Variants in CACNA2D3 observed in about 807,000 individuals in gnomAD.
CACNA2D3 encodes the protein calcium voltage-gated channel auxiliary subunit alpha2delta 3.
A neutral mutation model predicts 160.6 loss-of-function variants in CACNA2D3; 60 were observed. The ratio of observed to expected loss-of-function variants is 0.37; its 90% CI spans 0.30 to 0.46. CACNA2D3 has a LOEUF of 0.46. Ranked by LOEUF, CACNA2D3 falls within the 20% of genes least tolerant of loss-of-function variation. The probability of loss-of-function intolerance (pLI) is 1.00; values close to 1 mark genes in which losing one functional copy is unlikely to be tolerated. For missense variants in CACNA2D3, 1,205 were observed against 1,365.0 expected, an observed-to-expected ratio of 0.88 and a Z score of 1.85; for synonymous variants, 558 against 492.9, an observed-to-expected ratio of 1.13 and a Z score of -1.75.
At chr3:54,939,780 G>A (rs1178084642) in intron 27 of CACNA2D3, among the ~76,000 whole-genome samples, 1 of 152,224 alleles carries the variant, frequency 6.6e-6, no homozygotes, top group Non-Finnish European at 1.5e-5. Context: ...GACCAGTAGC[G>A]GGAGAAGCAT....
At chr3:54,399,995 T>C (rs1699419721) in intron 4 of CACNA2D3, among the ~76,000 whole-genome samples, 1 of 119,358 alleles carries the variant, frequency 8.4e-6, no homozygotes, top group African/African-American at 3.3e-5. Context: ...TGGGATATAG[T>C]CTCGTGGTGC....
intron 4 of CACNA2D3, among the ~76,000 whole-genome samples, chr3:54,402,189 A>G (rs1699480476): frequency 6.6e-6 from 1 of 152,198 alleles, no homozygotes; most frequent in Admixed American, 6.5e-5. Context: ...ACTAGATTAC[A>G]AAGATAAAAA....
At chr3:54,264,116 T>C (rs188926128) in intron 2 of CACNA2D3, among the ~76,000 whole-genome samples, 170 of 152,322 alleles carry the variant, frequency 1.1e-3, no homozygotes, top group Non-Finnish European at 2.0e-3. Flanking sequence ...AAATTTGCTA[T>C]TCATCCAGCC....
intron 4 of CACNA2D3, among the ~76,000 whole-genome samples, chr3:54,491,113 C>T (rs550116766): frequency 6.6e-6 from 1 of 152,190 alleles, no homozygotes; most frequent in Non-Finnish European, 1.5e-5. Context: ...TAGTCACTTA[C>T]TGAGTGGGCA....
intron 35 of CACNA2D3, among the ~76,000 whole-genome samples, chr3:55,027,982 C>G (rs898971314): frequency 2.0e-5 from 3 of 152,116 alleles, no homozygotes; most frequent in East Asian, 1.9e-4. Flanking sequence ...ATCCGCTGAC[C>G]CTGGTGTCTA....
rs552524206 is a variant in CACNA2D3, at chr3:54,267,533, A to G, written c.205-52909A>G. 4.3e-4 allele frequency among the ~76,000 whole-genome samples: 66 copies of G among 152,328 alleles called. 1 individual carries two copies. The highest frequency in any genetic ancestry group is 1.5e-3 in the African/African-American group (64 of 41,570). Reference sequence around the variant, plus strand: ...TAGATACCCAGTACTTCATCTTTTTAAGAGTGAAAAGTATCCTTTCTGAAC... The same window carrying G: ...TAGATACCCAGTACTTCATCTTTTTGAGAGTGAAAAGTATCCTTTCTGAAC... On this transcript the variant is annotated intron_variant, in intron 2 of 37. Transcript: ENST00000474759.
intron 4 of CACNA2D3, among the ~76,000 whole-genome samples, chr3:54,403,886 C>G (rs544218745): frequency 6.6e-6 from 1 of 152,072 alleles, no homozygotes; most frequent in South Asian, 2.1e-4. Flanking sequence ...TTTTGATAAC[C>G]TAGAGGAAAT....
At chr3:54,822,730 T>TTTTCTTTCTTTCTTTCTTTC (rs61652736) in intron 14 of CACNA2D3, among the ~76,000 whole-genome samples, 4 of 104,704 alleles carry the variant, frequency 3.8e-5, no homozygotes, top group Admixed American at 9.7e-5. Flanking sequence ...TTCTTTTTTA[T>TTTTCTTTCTTTCTTTCTTTC]TTTCTTTCTT....
In CACNA2D3 at chr3:54,544,169, A is replaced by G. The variant is rs114913235; in HGVS notation, c.545-18631A>G. Among the ~76,000 whole-genome samples the G allele has an allele frequency of 7.6e-3, 1,160 of 152,308 alleles. 7 individuals are homozygous for G. The highest frequency in any genetic ancestry group is 0.014 in the Non-Finnish European group (925 of 68,032). On this transcript the variant is annotated intron_variant, in intron 5 of 37. Transcript: ENST00000474759. ...ATCTATAATTCAATTGTAAGAGATA[A>G]TATCTCCATATATAGATGATAAGTA... is the stretch of plus-strand genomic sequence containing the variant.
intron 27 of CACNA2D3, among the ~76,000 whole-genome samples, chr3:54,956,749 AC>A (rs1394380878): frequency 6.6e-6 from 1 of 152,142 alleles, no homozygotes; most frequent in Non-Finnish European, 1.5e-5. Context: ...GGAAGACAGA[AC>A]CCATTTGAAT....
At chr3:54,666,102 C>A (rs1700064706) in intron 11 of CACNA2D3, among the ~76,000 whole-genome samples, 2 of 152,112 alleles carry the variant, frequency 1.3e-5, no homozygotes, top group South Asian at 4.1e-4. Flanking sequence ...GATATATTAT[C>A]CAGTATTTGA....
At chr3:54,497,264 T>A (rs1399337154) in intron 4 of CACNA2D3, among the ~76,000 whole-genome samples, 1 of 118,962 alleles carries the variant, frequency 8.4e-6, no homozygotes, top group East Asian at 2.5e-4. Flanking sequence ...TTTATATAAG[T>A]CTTCTTTAAG....
At chr3:54,825,679 C>T (rs1316925594) in intron 14 of CACNA2D3, among the ~76,000 whole-genome samples, 1 of 152,062 alleles carries the variant, frequency 6.6e-6, no homozygotes, top group Non-Finnish European at 1.5e-5. Flanking sequence ...ATTAAGCAAC[C>T]CAGGAAATAA....
intron 4 of CACNA2D3, among the ~76,000 whole-genome samples, chr3:54,424,771 T>C (rs1372562812): frequency 6.6e-6 from 1 of 152,142 alleles, no homozygotes; most frequent in Non-Finnish European, 1.5e-5. Flanking sequence ...CATCCCCACA[T>C]CCTGTATTTC....
chr3:54,893,609 T>C (rs74582466), intron 25 of CACNA2D3, among the ~76,000 whole-genome samples: 2,831 of 152,258 alleles, frequency 0.019, 91 homozygotes, highest in African/African-American at 0.064. Context: ...GACTAGGGCA[T>C]GAAAGGCAGA....
intron 11 of CACNA2D3, among the ~76,000 whole-genome samples, chr3:54,726,902 A>G (rs1321005407): frequency 6.6e-6 from 1 of 152,258 alleles, no homozygotes; most frequent in Non-Finnish European, 1.5e-5. Flanking sequence ...ACAAAAGCCA[A>G]AATTGACAAA....
intron 2 of CACNA2D3, among the ~76,000 whole-genome samples, chr3:54,159,757 A>T (rs1369613240): frequency 6.6e-6 from 1 of 152,238 alleles, no homozygotes; most frequent in Admixed American, 6.5e-5. Context: ...CTTTTGAAAA[A>T]TAATACACAA....
chr3:54,158,821 G>A (rs1454707732), intron 2 of CACNA2D3, among the ~76,000 whole-genome samples: 1 of 152,084 alleles, frequency 6.6e-6, no homozygotes, highest in Non-Finnish European at 1.5e-5. Context: ...AGGCTCTCTG[G>A]GTCCTTCTTC....
At chr3:54,311,360 T>C (rs949438328) in intron 2 of CACNA2D3, among the ~76,000 whole-genome samples, 1 of 152,228 alleles carries the variant, frequency 6.6e-6, no homozygotes, top group Non-Finnish European at 1.5e-5. Context: ...TCCTGCCTCA[T>C]AATGACTCAT....
Sources: gnomAD v4.1 joint callset for allele counts (sites outside exome capture counted in the v4.1 genomes callset) on GRCh38, gnomAD v4.1.1 for gene constraint, MANE v1.5 for transcripts, NCBI Gene and HGNC (gene_info 2026-07-23, HGNC 2026-07-21) for gene names.